Variants in ADCY8 observed in about 807,000 individuals in gnomAD.
ADCY8 encodes the protein adenylate cyclase 8, also known as adenylate cyclase type 8.
Under a neutral mutation model 119.7 loss-of-function variants are expected in ADCY8, and 51 were observed. The ratio of observed to expected loss-of-function variants is 0.43; its 90% CI spans 0.34 to 0.54. ADCY8 has a LOEUF of 0.54. ADCY8 is among the 20% of genes least tolerant of loss of function. The pLI is 0.03. For synonymous variants in ADCY8, 665 were observed against 651.0 expected (o/e 1.02, Z -0.33); for missense variants, 1,383 against 1,598.8 (o/e 0.87, Z 2.30).
At chr8:130,943,254 T>C in intron 4 of ADCY8, 97 bp downstream of exon 4, 1 of 834,416 alleles carries the variant, frequency 1.2e-6, no homozygotes, top group South Asian at 1.6e-5. Flanking sequence ...AGAATGGTAA[T>C]GACATTGGGG....
chr8:130,780,991 G>T, intron 17 of ADCY8, 114 bp from the exon 18 acceptor site: 1 of 1,400,734 alleles, frequency 7.1e-7, no homozygotes, highest in Non-Finnish European at 9.8e-7. Context: ...GGATGAACGG[G>T]AGGGTCCAGA....
chr8:131,028,168 C>A (rs182947814), intron 1 of ADCY8, among the ~76,000 whole-genome samples: 1 of 152,306 alleles, frequency 6.6e-6, no homozygotes, highest in African/African-American at 2.4e-5. Context: ...CTGTGAAAAA[C>A]CCATAGCAAA....
chr8:131,018,179 T>G (rs976750494), intron 1 of ADCY8, among the ~76,000 whole-genome samples: 3 of 152,208 alleles, frequency 2.0e-5, no homozygotes, highest in Non-Finnish European at 4.4e-5. Flanking sequence ...TACTGTCTTC[T>G]TTAGCAATTA....
intron 7 of ADCY8, among the ~76,000 whole-genome samples, chr8:130,900,661 T>C (rs1819567420): frequency 6.6e-6 from 1 of 152,230 alleles, no homozygotes; most frequent in African/African-American, 2.4e-5. Flanking sequence ...TTTGACTGTT[T>C]CTTCTCTGTC....
intron 2 of ADCY8, among the ~76,000 whole-genome samples, chr8:130,986,035 A>AAAAT (rs1402979867): frequency 1.3e-5 from 2 of 152,236 alleles, no homozygotes; most frequent in Admixed American, 1.3e-4. Flanking sequence ...TTTAATATTT[A>AAAAT]AAATAAATAT....
At chr8:131,022,865 C>G (rs1448635967) in intron 1 of ADCY8, among the ~76,000 whole-genome samples, 1 of 152,042 alleles carries the variant, frequency 6.6e-6, no homozygotes, top group Non-Finnish European at 1.5e-5. Context: ...TCAAGTCTAG[C>G]ACATAGTAGA....
chr8:131,003,206 T>TCTCTCACACACACACA (rs372048150), intron 1 of ADCY8, among the ~76,000 whole-genome samples: 7 of 137,488 alleles, frequency 5.1e-5, no homozygotes, highest in African/African-American at 1.7e-4. Flanking sequence ...TGAAACACCA[T>TCTCTCACACACACACA]CACACACACA....
Position 130,903,818 on chromosome 8 carries a change from G to A in ADCY8, c.1865C>T (p.Ser622Phe). ...RNSGATFTEGSWSPELPFDNI... is the reference protein window; with the variant it reads ...RNSGATFTEGFWSPELPFDNI... ...ATCAAAGGGCAGTTCAGGGCTCCAG[G>A]ATCCTTCAGTGAATGTGGCCCCACT... is the stretch of plus-strand genomic sequence containing the variant. Residue 622 changes from serine to phenylalanine, a missense_variant, in exon 7 of 18, where the codon TCC becomes TTC. This residue lies in a region of ADCY8 where 928 missense variants were observed against 1,163.5 expected (regional missense o/e 0.80). Transcript: ENST00000286355. 1 of 1,613,556 alleles carries A rather than the reference G, an allele frequency of 6.2e-7. No homozygotes were observed. The highest frequency in any genetic ancestry group is 1.7e-5 in the Admixed American group (1 of 59,992).
At chr8:130,814,894 T>G (rs965549382) in intron 13 of ADCY8, among the ~76,000 whole-genome samples, 4 of 152,122 alleles carry the variant, frequency 2.6e-5, no homozygotes, top group Non-Finnish European at 4.4e-5. Flanking sequence ...TCGTCAGAGG[T>G]GCTTCTATCT....
intron 7 of ADCY8, among the ~76,000 whole-genome samples, chr8:130,891,783 C>T (rs1189501512): frequency 6.6e-6 from 1 of 152,048 alleles, no homozygotes; most frequent in Non-Finnish European, 1.5e-5. Flanking sequence ...ATGAGATCTC[C>T]AAGACCCTGT....
At chr8:130,936,533 C>T (rs1820792321) in intron 5 of ADCY8, among the ~76,000 whole-genome samples, 1 of 152,148 alleles carries the variant, frequency 6.6e-6, no homozygotes, top group East Asian at 1.9e-4. Context: ...GGTTTCTGTA[C>T]ATGTCCATCC....
chr8:130,909,800 C>T lies in ADCY8; in HGVS notation c.1548G>A (p.Leu516=). The T allele has an allele frequency of 6.2e-7, 1 of 1,614,198 alleles. No homozygotes were observed. Among genetic ancestry groups the T allele is most frequent in the Non-Finnish European group, 8.5e-7 (1 of 1,180,022 alleles). ...ACTTCCTTAGTCCCAAAACACCGCA[C>T]AGCACCGAGCCGGAGTGGATTCCAA... The part of the protein sequence containing the change: ...MRIGIHSGSV[L]CGVLGLRKWQ... The change falls in exon 6 of 18, where the codon CTG becomes CTA. Residue 516 remains leucine (L), a synonymous_variant. Coordinates refer to ENST00000286355, the MANE Select transcript of ADCY8 (RefSeq NM_001115.3).
intron 5 of ADCY8, among the ~76,000 whole-genome samples, chr8:130,914,448 C>T (rs890034746): frequency 2.0e-5 from 3 of 151,492 alleles, no homozygotes; most frequent in Admixed American, 2.0e-4. Context: ...AGAAGCATAG[C>T]AAGAAGACTT....
At chr8:130,841,554 G>C (rs1817143137) in intron 11 of ADCY8, among the ~76,000 whole-genome samples, 1 of 152,180 alleles carries the variant, frequency 6.6e-6, no homozygotes, top group Non-Finnish European at 1.5e-5. Flanking sequence ...TGCCAGGCTG[G>C]AAGGACATTG....
intron 7 of ADCY8, among the ~76,000 whole-genome samples, chr8:130,889,170 G>A (rs1563714706): frequency 6.6e-6 from 1 of 152,076 alleles, no homozygotes; most frequent in Non-Finnish European, 1.5e-5. Flanking sequence ...ATTACAAAGT[G>A]GTTCTGTGGA....
chr8:130,940,787 A>G (rs1820932136), intron 4 of ADCY8, among the ~76,000 whole-genome samples: 2 of 152,196 alleles, frequency 1.3e-5, no homozygotes, highest in Admixed American at 6.5e-5. Context: ...CCTTATTGCA[A>G]TCCTTTCCTC....
At chr8:131,009,905 A>T (rs1008933309) in intron 1 of ADCY8, among the ~76,000 whole-genome samples, 3 of 152,164 alleles carry the variant, frequency 2.0e-5, no homozygotes, top group Non-Finnish European at 2.9e-5. Context: ...GGAGAATAGG[A>T]TGGTAAGGTT....
At position 130,844,910 on chromosome 8, in the gene ADCY8, C is replaced by T. The variant is rs193187881; in HGVS notation, c.2502+2514G>A. Among the ~76,000 whole-genome samples, 255 of 152,280 alleles carry T rather than the reference C, an allele frequency of 1.7e-3. 1 individual carries two copies. The highest frequency in any genetic ancestry group is 1.5e-3 in the Non-Finnish European group (105 of 68,028). On this transcript the variant is annotated intron_variant, in intron 11 of 17. Coordinates refer to ENST00000286355, the MANE Select transcript of ADCY8 (RefSeq NM_001115.3). ...TATCATAACATACACGGGTATATTA[C>T]GCACAGTGGTTCGGGTATGTACAGG...
intron 4 of ADCY8, among the ~76,000 whole-genome samples, chr8:130,940,292 A>G (rs950787153): frequency 6.6e-6 from 1 of 152,188 alleles, no homozygotes; most frequent in Non-Finnish European, 1.5e-5. Flanking sequence ...GGCAAAGTCC[A>G]GAATGGTAGG....
Sources: allele counts gnomAD v4.1 joint callset (sites outside exome capture counted in the v4.1 genomes callset), GRCh38; gene constraint gnomAD v4.1.1; regional missense constraint gnomAD v4.1.1; transcripts MANE v1.5; gene names NCBI Gene and HGNC (gene_info 2026-07-23, HGNC 2026-07-21).